Variants in FLYWCH2 observed in about 807,000 individuals in gnomAD.
The protein encoded by FLYWCH2 is FLYWCH family member 2.
FLYWCH2 carries 2 observed loss-of-function variants against 6.0 expected under a neutral mutation model. The ratio of observed to expected loss-of-function variants is 0.33; its 90% CI spans 0.14 to 1.04. FLYWCH2 has a LOEUF of 1.04. FLYWCH2 is among the 50% of genes least tolerant of loss of function. FLYWCH2 has a pLI of 0.45. For missense variants in FLYWCH2, 192 were observed against 183.4 expected, an observed-to-expected ratio of 1.05 and a Z score of -0.27; for synonymous variants, 87 against 79.3, an observed-to-expected ratio of 1.10 and a Z score of -0.52.
In FLYWCH2 at chr16:2,899,135, G is replaced by A. The variant is rs557821707; in HGVS notation, c.409G>A (p.Gly137Ser). ...ENFAPCSVAPGKSL is the reference protein window; with the variant it reads ...ENFAPCSVAPSKSL ...CTTTGCCCCCTGCTCTGTGGCGCCC[G>A]GCAAGTCCCTGTAACCTTGACAACA... The change falls in exon 4 of 4, where the codon GGC becomes AGC. Residue 137 changes from glycine (G) to serine (S), a missense_variant. Coordinates refer to ENST00000396958, the MANE Select transcript of FLYWCH2 (RefSeq NM_138439.3). 1.9e-5 allele frequency: 31 copies of A among 1,612,768 alleles called. No individual in the cohort carries two copies. The highest frequency in any genetic ancestry group is 3.3e-4 in the Middle Eastern group (2 of 6,082).
chr16:2,896,951 C>A, intron 3 of FLYWCH2, 180 bp downstream of exon 3: 1 of 642,226 alleles, frequency 1.6e-6, no homozygotes, highest in Non-Finnish European at 2.7e-6. Flanking sequence ...CGCCGACCTC[C>A]AACCCTGCCT....
At chr16:2,892,719 C>G (rs985051244) in intron 1 of FLYWCH2, among the ~76,000 whole-genome samples, 6 of 151,052 alleles carry the variant, frequency 4.0e-5, no homozygotes, top group Admixed American at 6.6e-5. Context: ...TGGCGTGTGC[C>G]TGTAGTCCCA....
chr16:2,885,709 C>G (rs576593954), intron 1 of FLYWCH2, among the ~76,000 whole-genome samples: 1 of 152,298 alleles, frequency 6.6e-6, no homozygotes, highest in African/African-American at 2.4e-5. Flanking sequence ...TGTACTTATT[C>G]ATTCATCCAT....
intron 1 of FLYWCH2, among the ~76,000 whole-genome samples, chr16:2,893,147 C>T (rs2069778999): frequency 6.6e-6 from 1 of 152,012 alleles, no homozygotes; most frequent in South Asian, 2.1e-4. Context: ...TCGGAACCCT[C>T]TCCTTTTGGG....
At position 2,899,338 on chromosome 16, in the gene FLYWCH2, A is replaced by C; in HGVS notation, c.*189A>C. ...CAGAAAAATACTTTCAAACAAGAAT[A>C]AAAGAAGCTGTTCGCTAGACCCCAT... is the stretch of plus-strand genomic sequence containing the variant. On this transcript the variant is annotated 3_prime_UTR_variant, in exon 4 of 4. Transcript: ENST00000396958. 2.0e-6 allele frequency: 1 copy of C among 509,862 alleles called. No homozygotes were observed. The highest frequency in any genetic ancestry group is 2.0e-5 in the African/African-American group (1 of 49,670). 31.6% of individuals were successfully genotyped at this position (509,862 alleles called of 1,614,324 possible).
chr16:2,888,662 C>G (rs1208125653), intron 1 of FLYWCH2, among the ~76,000 whole-genome samples: 2 of 152,028 alleles, frequency 1.3e-5, no homozygotes, highest in Non-Finnish European at 2.9e-5. Flanking sequence ...AACCTGAAGC[C>G]CAGTAGGTGC....
chr16:2,886,011 G>A (rs982421253), intron 1 of FLYWCH2, among the ~76,000 whole-genome samples: 1 of 152,006 alleles, frequency 6.6e-6, no homozygotes, highest in African/African-American at 2.4e-5. Flanking sequence ...TCTGTTTTTT[G>A]TTTGTTTTAT....
intron 1 of FLYWCH2, 40 bp from the exon 2 acceptor site, chr16:2,895,180 G>C (rs1596338935): frequency 6.6e-6 from 1 of 152,270 alleles, no homozygotes; most frequent in African/African-American, 2.4e-5. Context: ...CCCGGCACTT[G>C]CCCCTACAGG....
intron 1 of FLYWCH2, among the ~76,000 whole-genome samples, chr16:2,886,455 G>C (rs1596335073): frequency 6.7e-6 from 1 of 148,712 alleles, no homozygotes. Flanking sequence ...TGATCCTCCT[G>C]CCTCAGCCTC....
intron 1 of FLYWCH2, among the ~76,000 whole-genome samples, chr16:2,887,507 A>G (rs1354937938): frequency 4.0e-5 from 6 of 151,750 alleles, no homozygotes. Context: ...TGAGGAAAGC[A>G]TACAACTTCA....
intron 3 of FLYWCH2, among the ~76,000 whole-genome samples, chr16:2,897,967 G>A (rs969410885): frequency 1.3e-5 from 2 of 152,108 alleles, no homozygotes; most frequent in African/African-American, 4.8e-5. Flanking sequence ...TGAACAGGTG[G>A]TCCCCTGGGG....
At position 2,883,299 on chromosome 16, in the gene FLYWCH2, C is replaced by G. The variant is rs937110965; in HGVS notation, c.-267C>G. 6.6e-6 allele frequency: 1 copy of G among 152,416 alleles called. No individual in the cohort carries two copies. The highest frequency in any genetic ancestry group is 1.9e-4 in the East Asian group (1 of 5,168). 9.4% of individuals were successfully genotyped at this position (152,416 alleles called of 1,614,324 possible). A position where few individuals can be genotyped will look rare whatever the true frequency, so the allele number is the denominator to read the frequency against. ...TAACAGCGCGAGCTGAGGCTGGGGC[C>G]CTTGGCGCGGAGGCTGAGGGACCCG... On this transcript the variant is annotated 5_prime_UTR_variant, in exon 1 of 4. Coordinates refer to ENST00000396958, the MANE Select transcript of FLYWCH2 (RefSeq NM_138439.3).
chr16:2,894,914 C>T (rs534346864), intron 1 of FLYWCH2, among the ~76,000 whole-genome samples: 1 of 152,278 alleles, frequency 6.6e-6, no homozygotes, highest in East Asian at 1.9e-4. Context: ...TCCAAGGAAA[C>T]CATGAGAACC....
At chr16:2,886,571 G>C (rs1443730476) in intron 1 of FLYWCH2, among the ~76,000 whole-genome samples, 1 of 134,128 alleles carries the variant, frequency 7.5e-6, no homozygotes, top group Non-Finnish European at 1.5e-5. Flanking sequence ...GTCCCGGCTG[G>C]AGTGCACTGG....
chr16:2,888,917 A>G (rs1018252622), intron 1 of FLYWCH2, among the ~76,000 whole-genome samples: 3 of 152,152 alleles, frequency 2.0e-5, no homozygotes, highest in African/African-American at 7.2e-5. Context: ...CAAATTTATT[A>G]TTGCACTACT....
intron 1 of FLYWCH2, among the ~76,000 whole-genome samples, chr16:2,891,263 G>C (rs2069753829): frequency 6.6e-6 from 1 of 152,186 alleles, no homozygotes; most frequent in Admixed American, 6.5e-5. Flanking sequence ...TAGAGGTCAT[G>C]GTTGACATAA....
chr16:2,892,843 A>T lies in FLYWCH2; in HGVS notation c.-199-2377A>T, dbSNP rs8057056. 6.1e-5 allele frequency among the ~76,000 whole-genome samples: 9 copies of T among 147,916 alleles called. No individual in the cohort carries two copies. In the Admixed American group the frequency reaches 6.1e-4, roughly 10 times the overall value. ...TGGCGACAGAACCAGATTCTGTCTC[A>T]AAAAATAACTAAAATTTATATATAT... On this transcript the variant is annotated intron_variant, in intron 1 of 3. Transcript: ENST00000396958.
chr16:2,890,419 T>G (rs1343160538), intron 1 of FLYWCH2, among the ~76,000 whole-genome samples: 37 of 149,956 alleles, frequency 2.5e-4, no homozygotes, highest in Non-Finnish European at 2.5e-4. Flanking sequence ...CTGACTAATT[T>G]TTTTTTTTTT....
chr16:2,888,113 A>G (rs1264327378), intron 1 of FLYWCH2, among the ~76,000 whole-genome samples: 3 of 151,924 alleles, frequency 2.0e-5, no homozygotes, highest in Admixed American at 6.6e-5. Context: ...GGTTCTAGCA[A>G]TTCTCCTGCC....
Sources: gnomAD v4.1 joint callset for allele counts (sites outside exome capture counted in the v4.1 genomes callset) on GRCh38, gnomAD v4.1.1 for gene constraint, MANE v1.5 for transcripts, NCBI Gene and HGNC (gene_info 2026-07-23, HGNC 2026-07-21) for gene names.